Variants in MYH16 observed in about 807,000 individuals in gnomAD.
The protein encoded by MYH16 is putative uncharacterized protein MYH16.
intron 13 of MYH16, chr7:99,261,766 C>A (rs759165668): frequency 6.6e-6 from 1 of 152,350 alleles, no homozygotes; most frequent in Non-Finnish European, 1.5e-5. Flanking sequence ...CATGGTATAA[C>A]AGGGTAATCA....
At chr7:99,287,714 C>A (rs1405012373) in intron 28 of MYH16, 178 bp from the exon 10 acceptor site, 4 of 355,942 alleles carry the variant, frequency 1.1e-5, no homozygotes, top group Non-Finnish European at 2.2e-5. Flanking sequence ...CACACAACAC[C>A]TCTAAACAAA....
intron 37 of MYH16, among the ~76,000 whole-genome samples, chr7:99,300,025 T>C (rs984176193): frequency 6.6e-6 from 1 of 151,850 alleles, no homozygotes; most frequent in Non-Finnish European, 1.5e-5. Flanking sequence ...AGTGGTGCAA[T>C]CTCGGCTCAC....
chr7:99,297,284 T>C (rs1792515106), intron 34 of MYH16, among the ~76,000 whole-genome samples: 1 of 151,482 alleles, frequency 6.6e-6, no homozygotes, highest in Non-Finnish European at 1.5e-5. Flanking sequence ...ATACAACAAA[T>C]TAGCAGGGCA....
chr7:99,293,852 G>C (rs1792429528), intron 32 of MYH16, among the ~76,000 whole-genome samples, 166 bp from the exon 14 acceptor site: 1 of 152,238 alleles, frequency 6.6e-6, no homozygotes, highest in Non-Finnish European at 1.5e-5. Context: ...GAATAAATGA[G>C]AGAGTGAATG....
At chr7:99,239,340 A>G (rs1036092627) in intron 1 of MYH16, among the ~76,000 whole-genome samples, 4 of 152,228 alleles carry the variant, frequency 2.6e-5, no homozygotes, top group African/African-American at 9.6e-5. Flanking sequence ...GATGTCTCAA[A>G]CAGCTCTCAA....
chr7:99,254,573 G>A (rs1353652789), intron 8 of MYH16, among the ~76,000 whole-genome samples: 2 of 152,140 alleles, frequency 1.3e-5, no homozygotes, highest in Non-Finnish European at 2.9e-5. Context: ...GCCCACACCA[G>A]GCACACAGCT....
downstream of MYH16, among the ~76,000 whole-genome samples, chr7:99,309,056 G>A (rs1472696234): frequency 1.3e-5 from 2 of 152,202 alleles, no homozygotes; most frequent in Admixed American, 6.5e-5. Flanking sequence ...GCTTGGAGAA[G>A]TTTGGTGACT....
At chr7:99,274,669 CTTTT>C (rs745470963) in intron 20 of MYH16, among the ~76,000 whole-genome samples, 1 of 117,566 alleles carries the variant, frequency 8.5e-6, no homozygotes, top group Admixed American at 9.0e-5. Context: ...CATTAATTCA[CTTTT>C]TTTTTTTTTT....
chr7:99,273,813 G>A (rs952218572), intron 20 of MYH16, among the ~76,000 whole-genome samples: 1 of 149,254 alleles, frequency 6.7e-6, no homozygotes, highest in Non-Finnish European at 1.5e-5. Flanking sequence ...AGGAAAGGAA[G>A]ACAGAGAGGA....
chr7:99,296,404 C>T (rs1792492693), intron 33 of MYH16, among the ~76,000 whole-genome samples: 1 of 151,582 alleles, frequency 6.6e-6, no homozygotes, highest in South Asian at 2.1e-4. Context: ...CTGGGAAGGC[C>T]GCTGTGGCCC....
intron 13 of MYH16, among the ~76,000 whole-genome samples, chr7:99,262,799 A>G (rs1256086700): frequency 1.3e-5 from 2 of 152,202 alleles, no homozygotes; most frequent in African/African-American, 4.8e-5. Context: ...CCATCAGCCA[A>G]TGACCCTACA....
At chr7:99,281,445 C>T (rs1466680065) in intron 23 of MYH16, among the ~76,000 whole-genome samples, 1 of 152,018 alleles carries the variant, frequency 6.6e-6, no homozygotes, top group Non-Finnish European at 1.5e-5. Context: ...GCCTGTAGTC[C>T]CAGCTATTCA....
intron 12 of MYH16, chr7:99,261,183 G>A (rs1472769458): frequency 6.6e-6 from 1 of 152,136 alleles, no homozygotes; most frequent in African/African-American, 2.4e-5. Context: ...TTAGCATTTG[G>A]GGAGCTATCT....
intron 18 of MYH16, among the ~76,000 whole-genome samples, chr7:99,269,686 A>G (rs912710742): frequency 6.6e-6 from 1 of 152,112 alleles, no homozygotes; most frequent in Non-Finnish European, 1.5e-5. Context: ...ACATTCCTCC[A>G]TGACGTGCTT....
intron 11 of MYH16, chr7:99,260,149 C>T: frequency 1.3e-6 from 2 of 1,595,074 alleles, no homozygotes; most frequent in South Asian, 2.2e-5. Flanking sequence ...TCTTTCTGCC[C>T]TCCTGCCGCC....
chr7:99,293,571 T>C (rs1792424320), intron 32 of MYH16, among the ~76,000 whole-genome samples: 1 of 152,170 alleles, frequency 6.6e-6, no homozygotes, highest in South Asian at 2.1e-4. Context: ...CTTAGACCTT[T>C]GCTCCTGTGT....
chr7:99,239,908 C>T lies in MYH16; in HGVS notation n.210+870C>T, dbSNP rs548827593. The stretch of plus-strand genomic sequence containing the variant: ...AGAAAATTTGGCTTATTAGGCTAGG[C>T]GTGGTGGCTCACACCTGTAATCCCA... On this transcript the variant is annotated intron_variant and non_coding_transcript_variant, in intron 1 of 41. Coordinates refer to ENST00000439784, the Ensembl canonical transcript of MYH16. Among the ~76,000 whole-genome samples, 9 of 152,146 alleles carry T rather than the reference C, an allele frequency of 5.9e-5. No homozygotes were observed. In the South Asian group the frequency reaches 1.0e-3, roughly 18 times the overall value.
intron 32 of MYH16, among the ~76,000 whole-genome samples, chr7:99,293,783 A>G (rs1019298136): frequency 6.6e-6 from 1 of 152,206 alleles, no homozygotes; most frequent in Admixed American, 6.5e-5. Flanking sequence ...TCACTGCTGC[A>G]TCCCTAACAC....
intron 33 of MYH16, among the ~76,000 whole-genome samples, chr7:99,296,491 G>C (rs778617352): frequency 6.6e-6 from 1 of 152,090 alleles, no homozygotes; most frequent in Non-Finnish European, 1.5e-5. Flanking sequence ...ACATCTCTCG[G>C]GGGAAGTTTT....
Sources: gnomAD v4.1 joint callset for allele counts (sites outside exome capture counted in the v4.1 genomes callset) on GRCh38, gnomAD v4.1.1 for gene constraint, MANE v1.5 for transcripts, NCBI Gene and HGNC (gene_info 2026-07-23, HGNC 2026-07-21) for gene names.